The following ANKS1B variants were observed in gnomAD, a reference collection of about 807,000 sequenced individuals.
The protein encoded by ANKS1B is ankyrin repeat and sterile alpha motif domain-containing protein 1B.
ANKS1B carries 36 observed loss-of-function variants against 148.3 expected under a neutral mutation model. The ratio of observed to expected loss-of-function variants is 0.24; its 90% CI spans 0.19 to 0.32. The LOEUF (loss-of-function observed/expected upper bound fraction) is 0.32, where lower values mean the gene tolerates loss of function less well. Among genes scored for constraint, ANKS1B ranks in the 10% least tolerant of loss-of-function variants. The pLI is 1.00. For missense variants in ANKS1B, 1,157 were observed against 1,542.6 expected (o/e 0.75, Z 4.19); for synonymous variants, 542 against 560.8 (o/e 0.97, Z 0.47).
At chr12:99,964,016 T>A (rs1459699337) in intron 1 of ANKS1B, among the ~76,000 whole-genome samples, 1 of 152,210 alleles carries the variant, frequency 6.6e-6, no homozygotes, top group East Asian at 1.9e-4. Context: ...GAATGCACTT[T>A]GCTGATAATT....
intron 9 of ANKS1B, among the ~76,000 whole-genome samples, chr12:99,602,430 A>G (rs1414912537): frequency 6.6e-6 from 1 of 152,138 alleles, no homozygotes; most frequent in Non-Finnish European, 1.5e-5. Flanking sequence ...CTATAAAAAC[A>G]AAAGAAAACA....
chr12:99,440,226 A>G (rs970372418), intron 11 of ANKS1B, among the ~76,000 whole-genome samples: 4 of 151,838 alleles, frequency 2.6e-5, no homozygotes, highest in African/African-American at 9.7e-5. Context: ...GTGGTGTTAT[A>G]CCTATGTAAA....
At chr12:98,976,350 A>C (rs2099895938) in intron 17 of ANKS1B, 1 of 152,224 alleles carries the variant, frequency 6.6e-6, no homozygotes, top group Non-Finnish European at 1.5e-5. Context: ...GGGCCTTGGG[A>C]AGGCAGTTAC....
intron 9 of ANKS1B, among the ~76,000 whole-genome samples, chr12:99,590,847 T>C (rs1597673758): frequency 6.6e-6 from 1 of 152,194 alleles, no homozygotes; most frequent in South Asian, 2.1e-4. Context: ...AGAGAAACAA[T>C]AGTCTAAACT....
intron 8 of ANKS1B, among the ~76,000 whole-genome samples, chr12:99,674,718 A>G (rs1344148280): frequency 6.6e-6 from 1 of 151,824 alleles, no homozygotes; most frequent in Non-Finnish European, 1.5e-5. Flanking sequence ...ATTTTCTTTT[A>G]AAGGCATTTC....
chr12:99,348,538 T>C lies in ANKS1B; in HGVS notation c.1756+51093A>G, dbSNP rs189403919. ...AAACCATCAAAAACCAAAGCAAGAA[T>C]CTTGAAAGAAGCAAGAGAGAAGTAA... On this transcript the variant is annotated intron_variant, in intron 12 of 26. Coordinates refer to ENST00000683438, the MANE Select transcript of ANKS1B (RefSeq NM_001352186.2). Among the ~76,000 whole-genome samples the C allele has an allele frequency of 4.0e-5, 6 of 151,874 alleles. No homozygotes were observed. The East Asian group carries it at 1.2e-3, about 30-fold the overall frequency.
intron 17 of ANKS1B, among the ~76,000 whole-genome samples, chr12:98,960,782 T>C (rs1179821095): frequency 2.0e-5 from 3 of 152,100 alleles, no homozygotes; most frequent in Non-Finnish European, 4.4e-5. Flanking sequence ...AATTCAGAAT[T>C]CTATCAGATA....
At chr12:99,003,136 T>C (rs182761312) in intron 17 of ANKS1B, among the ~76,000 whole-genome samples, 4 of 152,314 alleles carry the variant, frequency 2.6e-5, no homozygotes, top group Admixed American at 2.6e-4. Flanking sequence ...CAAAGATCAA[T>C]TGATCATATA....
intron 11 of ANKS1B, among the ~76,000 whole-genome samples, chr12:99,428,207 C>G (rs538320037): frequency 1.7e-4 from 26 of 152,058 alleles, no homozygotes; most frequent in Non-Finnish European, 3.1e-4. Flanking sequence ...TGGAGGGCAG[C>G]CAGGGTAGAG....
intron 14 of ANKS1B, among the ~76,000 whole-genome samples, chr12:99,218,441 C>G (rs903700149): frequency 2.0e-5 from 3 of 152,144 alleles, no homozygotes; most frequent in Non-Finnish European, 2.9e-5. Flanking sequence ...GGTCCTGAAG[C>G]CTCTGCAATC....
At chr12:99,547,326 C>A (rs1273071903) in intron 9 of ANKS1B, among the ~76,000 whole-genome samples, 2 of 150,458 alleles carry the variant, frequency 1.3e-5, no homozygotes, top group Non-Finnish European at 3.0e-5. Context: ...TTTTTATTTT[C>A]TTTTATTTTG....
chr12:99,965,792 G>C (rs1056796159), intron 1 of ANKS1B, among the ~76,000 whole-genome samples: 3 of 152,092 alleles, frequency 2.0e-5, no homozygotes, highest in Admixed American at 6.5e-5. Context: ...CATATTTGTA[G>C]TCCCAGCTAC....
chr12:98,807,982 C>A, intron 19 of ANKS1B, 64 bp from the exon 20 acceptor site: 1 of 1,298,080 alleles, frequency 7.7e-7, no homozygotes, highest in Admixed American at 2.1e-5. Context: ...ACCAAGGTAG[C>A]ATCCAGGAAG....
intron 14 of ANKS1B, among the ~76,000 whole-genome samples, chr12:99,207,129 C>T (rs1421561622): frequency 6.6e-6 from 1 of 152,170 alleles, no homozygotes; most frequent in Admixed American, 6.6e-5. Flanking sequence ...AAAACCCTGT[C>T]TTGCATTGTG....
intron 1 of ANKS1B, among the ~76,000 whole-genome samples, chr12:99,868,279 G>A (rs1204890032): frequency 6.6e-6 from 1 of 152,032 alleles, no homozygotes; most frequent in Non-Finnish European, 1.5e-5. Context: ...ACCCAAACGT[G>A]GCAAGTTCAT....
At chr12:98,986,994 A>AT (rs1040042045) in intron 17 of ANKS1B, among the ~76,000 whole-genome samples, 1 of 151,880 alleles carries the variant, frequency 6.6e-6, no homozygotes, top group Admixed American at 6.6e-5. Flanking sequence ...CTTAAGTATA[A>AT]TTTTTTTGAT....
At chr12:98,928,827 A>C (rs2099811201) in intron 17 of ANKS1B, among the ~76,000 whole-genome samples, 1 of 151,962 alleles carries the variant, frequency 6.6e-6, no homozygotes, top group Non-Finnish European at 1.5e-5. Context: ...TAGAACCCAT[A>C]CGGCTAAAAT....
chr12:98,794,536 G>A, intron 22 of ANKS1B: 1 of 658,302 alleles, frequency 1.5e-6, no homozygotes, highest in South Asian at 1.5e-5. Flanking sequence ...CCCTGGCCAT[G>A]GCAAGATGTT....
At chr12:98,998,645 G>T (rs956461639) in intron 17 of ANKS1B, among the ~76,000 whole-genome samples, 1 of 152,156 alleles carries the variant, frequency 6.6e-6, no homozygotes, top group African/African-American at 2.4e-5. Flanking sequence ...AAGGTTAAAA[G>T]GTTGAAATGT....
Sources: allele counts gnomAD v4.1 joint callset (sites outside exome capture counted in the v4.1 genomes callset), GRCh38; gene constraint gnomAD v4.1.1; transcripts MANE v1.5; gene names NCBI Gene and HGNC (gene_info 2026-07-23, HGNC 2026-07-21).